The following ATP5MF variants were observed in gnomAD, a reference collection of about 807,000 sequenced individuals.
The protein encoded by ATP5MF is ATP synthase membrane subunit f, also known as ATP synthase F(0) complex subunit f, mitochondrial.
Under a neutral mutation model 13.8 loss-of-function variants are expected in ATP5MF, and 10 were observed. The ratio of observed to expected loss-of-function variants is 0.72; its 90% confidence interval spans 0.45 to 1.23. ATP5MF has a LOEUF of 1.23. ATP5MF is among the 50% of genes most tolerant of loss of function. The pLI, the probability that ATP5MF is intolerant of heterozygous loss-of-function variation, is 0.00. For missense variants in ATP5MF, 122 were observed against 118.2 expected (o/e 1.03, Z -0.15); for synonymous variants, 40 against 45.8 (o/e 0.87, Z 0.51).
Position 99,460,279 on chromosome 7 carries a change from T to C in ATP5MF, c.32-86A>G, listed in dbSNP as rs191453506. 1,648 of 1,464,978 alleles carry C rather than the reference T, an allele frequency of 1.1e-3. 8 individuals are homozygous for C. Among genetic ancestry groups the C allele is most frequent in the Non-Finnish European group, 5.7e-4 (596 of 1,053,642 alleles). 90.7% of individuals were successfully genotyped at this position (1,464,978 alleles called of 1,614,324 possible). A position where few individuals can be genotyped will look rare whatever the true frequency, so the allele number is the denominator to read the frequency against. ...TCCTTTCCTGCCACTGCTTCAACTA[T>C]GCAATAAAGGTGCATAATGCAATTA... On this transcript the variant is annotated intron_variant, in intron 1 of 3. Transcript: ENST00000292475.
Position 99,460,154 on chromosome 7 carries a change from C to T in ATP5MF, c.71G>A (p.Gly24Glu), listed in dbSNP as rs1289663036. 1.9e-6 allele frequency: 3 copies of T among 1,614,090 alleles called. No homozygotes were observed. Among genetic ancestry groups the T allele is most frequent in the Non-Finnish European group, 2.5e-6 (3 of 1,180,040 alleles). Residue 24 changes from glycine (G) to glutamate (E), a missense_variant, in exon 2 of 4, where the codon GGG (glycine) becomes GAG (glutamate). Physicochemically the swap from Gly to Glu is moderately conservative, Grantham distance 98. Transcript: ENST00000292475. ...KDKKLLEVKLGELPSWILMRD... is the reference protein window; with the variant it reads ...KDKKLLEVKLEELPSWILMRD... Reference sequence around the variant, plus strand: ...CATCAAGATCCAGCTTGGCAGCTCCCCCAGTTTGACCTCCAGAAGTTTCTT... The same window carrying T: ...CATCAAGATCCAGCTTGGCAGCTCCTCCAGTTTGACCTCCAGAAGTTTCTT...
At chr7:99,462,726 G>C (rs1798674073) in intron 1 of ATP5MF, among the ~76,000 whole-genome samples, 1 of 152,208 alleles carries the variant, frequency 6.6e-6, no homozygotes, top group Non-Finnish European at 1.5e-5. Context: ...AGTGAGCCAA[G>C]ATCGTGCCAC....
intron 1 of ATP5MF, among the ~76,000 whole-genome samples, chr7:99,465,235 G>GGCGACAAGA (rs1798813241): frequency 6.6e-6 from 1 of 151,988 alleles, no homozygotes; most frequent in Non-Finnish European, 1.5e-5. Flanking sequence ...CTCCACCCTG[G>GGCGACAAGA]GCGACAAGAG....
chr7:99,461,408 C>G (rs996353172), intron 1 of ATP5MF, among the ~76,000 whole-genome samples: 1 of 151,892 alleles, frequency 6.6e-6, no homozygotes, highest in East Asian at 1.9e-4. Flanking sequence ...TAGCAGATGT[C>G]CTATTGAGGG....
At chr7:99,459,987 GACA>G (rs1317968618) in intron 2 of ATP5MF, 96 bp downstream of exon 2, 153 of 1,364,834 alleles carry the variant, frequency 1.1e-4, no homozygotes, top group Non-Finnish European at 1.5e-4. Flanking sequence ...ACTGCTTTCA[GACA>G]ACAAGGCCTT....
rs1798854542 is a variant in ATP5MF, at chr7:99,465,965, G to A, written c.31+146C>T. On this transcript the variant is annotated intron_variant, in intron 1 of 3. Coordinates refer to ENST00000292475, the MANE Select transcript of ATP5MF (RefSeq NM_004889.5). Reference sequence around the variant, plus strand: ...GCAGGAAGGCGCGCCTGGGCAGGCGGAGCGGGGTCTGGCGCGCCTCAAGTG... The same window carrying A: ...GCAGGAAGGCGCGCCTGGGCAGGCGAAGCGGGGTCTGGCGCGCCTCAAGTG... 5.6e-6 allele frequency: 8 copies of A among 1,416,766 alleles called. No individual in the cohort carries two copies. In the South Asian group the frequency reaches 6.6e-5, roughly 12 times the overall value. The allele number at this position is 1,416,766 out of a possible 1,614,324, so 87.8% of individuals were successfully genotyped here.
chr7:99,465,436 A>C (rs559783224), intron 1 of ATP5MF, among the ~76,000 whole-genome samples: 8 of 152,308 alleles, frequency 5.3e-5, no homozygotes, highest in African/African-American at 1.4e-4. Context: ...TGACAAGGCT[A>C]CTATGGAGCA....
intron 2 of ATP5MF, chr7:99,459,674 G>A (rs528714551): frequency 5.8e-5 from 14 of 240,836 alleles, no homozygotes; most frequent in South Asian, 2.4e-4. Flanking sequence ...TTGGCCTCCC[G>A]AAGTGCCGGG....
At chr7:99,464,540 G>A (rs1195314212) in intron 1 of ATP5MF, among the ~76,000 whole-genome samples, 2 of 152,194 alleles carry the variant, frequency 1.3e-5, no homozygotes, top group Admixed American at 6.5e-5. Context: ...GCGGGCGCCT[G>A]TAGTCCCAGC....
chr7:99,459,169 G>A lies in ATP5MF; in HGVS notation c.234C>T (p.Tyr78=), dbSNP rs1357325069. The A allele has an allele frequency of 8.1e-6, 13 of 1,613,770 alleles. No individual in the cohort carries two copies. The highest frequency in any genetic ancestry group is 1.1e-5 in the Non-Finnish European group (13 of 1,179,928). The change falls in exon 3 of 4, where the codon TAC becomes TAT. Residue 78 remains tyrosine (Y), a synonymous_variant. Coordinates refer to ENST00000292475, the MANE Select transcript of ATP5MF (RefSeq NM_004889.5). ...CACTGAGATGCTTGTAGGAAAAGGA[G>A]TAGCTAAAGAGCACGTAGCATGCCA... ...MVLACYVLFS[Y]SFSYKHLKHE... is the part of the protein sequence containing the mutation.
intron 1 of ATP5MF, among the ~76,000 whole-genome samples, chr7:99,463,193 CGA>C (rs1798694263): frequency 6.6e-6 from 1 of 152,166 alleles, no homozygotes; most frequent in Non-Finnish European, 1.5e-5. Flanking sequence ...CACAGATCCT[CGA>C]GAGGAAACAT....
chr7:99,466,120 G>C lies in ATP5MF; in HGVS notation c.22C>G (p.Pro8Ala). The change falls in exon 1 of 4, where the codon CCG becomes GCG. Residue 8 changes from proline (P) to alanine (A), a missense_variant. By Grantham distance (27) the Pro-to-Ala change is conservative. Coordinates refer to ENST00000292475, the MANE Select transcript of ATP5MF (RefSeq NM_004889.5). ...GTCCAAACAGCCTTACCTGGGGCCG[G>C]ACACTCACCAACTGACGCCATTTTG... MASVGEC[P>A]APVPVKDKKL... 1 of 1,614,182 alleles carries C rather than the reference G, an allele frequency of 6.2e-7. No homozygotes were observed. The highest frequency in any genetic ancestry group is 1.1e-5 in the South Asian group (1 of 91,090).
chr7:99,465,867 C>T (rs1240988420), intron 1 of ATP5MF, among the ~76,000 whole-genome samples: 3 of 152,342 alleles, frequency 2.0e-5, no homozygotes, highest in East Asian at 1.9e-4. Flanking sequence ...GCGGCGCATT[C>T]CCAGGCCCAG....
intron 1 of ATP5MF, among the ~76,000 whole-genome samples, chr7:99,462,730 G>C (rs1297010571): frequency 6.6e-6 from 1 of 152,204 alleles, no homozygotes; most frequent in Non-Finnish European, 1.5e-5. Context: ...AGCCAAGATC[G>C]TGCCACTGCA....
chr7:99,459,254 C>A lies in ATP5MF; in HGVS notation c.149G>T (p.Arg50Leu). ...CACATTGATGTACTTGTTGTAGTAC[C>A]GGTAGTAACCTGCAAACGCAAGAGG... is the stretch of plus-strand genomic sequence containing the variant. The part of the protein sequence containing the change: ...IFGAFQRGYY[R>L]YYNKYINVKK... Residue 50 changes from arginine to leucine, a missense_variant, in exon 3 of 4, where the codon CGG becomes CTG. Transcript: ENST00000292475. 1 of 1,613,248 alleles carries A rather than the reference C, an allele frequency of 6.2e-7. No individual in the cohort carries two copies. The highest frequency in any genetic ancestry group is 1.1e-5 in the South Asian group (1 of 91,056).
intron 1 of ATP5MF, 55 bp from the exon 2 acceptor site, chr7:99,460,248 A>G (rs1413818864): frequency 1.3e-6 from 2 of 1,592,962 alleles, no homozygotes; most frequent in Non-Finnish European, 1.7e-6. Flanking sequence ...AGTAACACAT[A>G]TGGCATCCTT....
At chr7:99,460,573 C>A in intron 1 of ATP5MF, 1 of 509,618 alleles carries the variant, frequency 2.0e-6, no homozygotes, top group Non-Finnish European at 3.9e-6. Context: ...CATGTCTTTA[C>A]CTTAAAGGAG....
intron 2 of ATP5MF, 178 bp downstream of exon 2, chr7:99,459,908 T>A (rs908065861): frequency 2.9e-6 from 2 of 679,722 alleles, no homozygotes; most frequent in Non-Finnish European, 4.9e-6. Flanking sequence ...AGAGCCAGCC[T>A]TTGAAAGGGC....
chr7:99,465,278 A>G (rs1030759576), intron 1 of ATP5MF, among the ~76,000 whole-genome samples: 9 of 152,254 alleles, frequency 5.9e-5, no homozygotes, highest in Admixed American at 2.0e-4. Context: ...AATGATAAAA[A>G]AAAACCAGAA....
Sources: allele counts gnomAD v4.1 joint callset (sites outside exome capture counted in the v4.1 genomes callset), GRCh38; gene constraint gnomAD v4.1.1; transcripts MANE v1.5; gene names NCBI Gene and HGNC (gene_info 2026-07-23, HGNC 2026-07-21).